The following DGKB variants were observed in gnomAD, a reference collection of about 807,000 sequenced individuals.
DGKB encodes 90 kDa diacylglycerol kinase.
DGKB carries 67 observed loss-of-function variants against 114.3 expected under a neutral mutation model. That is an observed-to-expected ratio of 0.59 (90% CI 0.48 to 0.72). DGKB has a LOEUF of 0.72. Among genes scored for constraint, DGKB ranks in the 30% least tolerant of loss-of-function variants. The probability of loss-of-function intolerance (pLI) is 0.00; values close to 1 mark genes in which losing one functional copy is unlikely to be tolerated. For missense variants in DGKB, 907 were observed against 975.2 expected, an observed-to-expected ratio of 0.93 and a Z score of 0.93; for synonymous variants, 398 against 323.1, an observed-to-expected ratio of 1.23 and a Z score of -2.49.
intron 20 of DGKB, among the ~76,000 whole-genome samples, chr7:14,560,306 T>A (rs562661705): frequency 1.4e-4 from 22 of 152,154 alleles, no homozygotes; most frequent in African/African-American, 5.3e-4. Context: ...ATCACTAGAG[T>A]TTATCCCTCT....
chr7:14,308,513 C>A (rs982190762), intron 23 of DGKB, among the ~76,000 whole-genome samples: 1 of 151,832 alleles, frequency 6.6e-6, no homozygotes, highest in African/African-American at 2.4e-5. Flanking sequence ...ATATCTTTGC[C>A]AAATTTTATA....
chr7:14,634,156 T>C (rs1810281820), intron 13 of DGKB, among the ~76,000 whole-genome samples: 1 of 150,978 alleles, frequency 6.6e-6, no homozygotes, highest in Non-Finnish European at 1.5e-5. Flanking sequence ...TTTTTATATA[T>C]ATATTTTACA....
At chr7:14,580,322 G>C (rs73680449) in intron 19 of DGKB, among the ~76,000 whole-genome samples, 1 of 152,098 alleles carries the variant, frequency 6.6e-6, no homozygotes, top group Non-Finnish European at 1.5e-5. Context: ...GTTAGTGTAA[G>C]GTCTCACATA....
At chr7:14,612,331 C>G (rs10236426) in intron 16 of DGKB, among the ~76,000 whole-genome samples, 47,758 of 151,518 alleles carry the variant, frequency 0.32, 7,939 homozygotes, top group East Asian at 0.69. Context: ...GACCATGCCT[C>G]GCTAATTTTT....
At chr7:14,491,217 T>A in intron 20 of DGKB, among the ~76,000 whole-genome samples, 1 of 152,064 alleles carries the variant, frequency 6.6e-6, no homozygotes, top group East Asian at 1.9e-4. Flanking sequence ...AATTTAATCA[T>A]GGGGGCTTTT....
intron 23 of DGKB, among the ~76,000 whole-genome samples, chr7:14,213,331 TGAA>T (rs1027178755): frequency 4.6e-5 from 7 of 152,126 alleles, no homozygotes; most frequent in African/African-American, 1.7e-4. Flanking sequence ...GCTCCTTATA[TGAA>T]TGATTCTCAA....
intron 2 of DGKB, among the ~76,000 whole-genome samples, chr7:14,782,945 G>A (rs1315233445): frequency 6.6e-6 from 1 of 151,998 alleles, no homozygotes; most frequent in African/African-American, 2.4e-5. Flanking sequence ...AAATCCCCCA[G>A]CCTCAGCCTC....
chr7:14,348,432 A>T (rs1169217437), intron 21 of DGKB, among the ~76,000 whole-genome samples: 1 of 152,044 alleles, frequency 6.6e-6, no homozygotes, highest in Admixed American at 6.6e-5. Context: ...AGCAACCCAA[A>T]CAATTTAATT....
In DGKB at chr7:14,183,049, T is replaced by A. The variant is rs1195843896; in HGVS notation, c.2123-4898A>T. ...TTTGAAATCAACATAAATTGCTAAT[T>A]ATAATGACACTTATTGAGCCATTAT... On this transcript the variant is annotated intron_variant, in intron 23 of 25. Coordinates refer to ENST00000402815, the MANE Select transcript of DGKB (RefSeq NM_001350709.2). Among the ~76,000 whole-genome samples, 6 of 152,282 alleles carry A rather than the reference T, an allele frequency of 3.9e-5. No individual in the cohort carries two copies. The Middle Eastern group carries it at 0.01, about 259-fold the overall frequency.
intron 20 of DGKB, among the ~76,000 whole-genome samples, chr7:14,569,861 T>C (rs891785631): frequency 2.6e-4 from 39 of 151,780 alleles, no homozygotes; most frequent in African/African-American, 9.2e-4. Context: ...TTTATTCTGA[T>C]CTTGTGTGTC....
intron 13 of DGKB, among the ~76,000 whole-genome samples, chr7:14,646,619 A>G (rs919485313): frequency 2.2e-4 from 33 of 152,266 alleles, no homozygotes; most frequent in African/African-American, 7.2e-4. Context: ...ACATTTTAAA[A>G]CATCAAAATT....
At chr7:14,954,967 G>A (rs1222049199) in intron 1 of DGKB, among the ~76,000 whole-genome samples, 1 of 151,998 alleles carries the variant, frequency 6.6e-6, no homozygotes, top group Non-Finnish European at 1.5e-5. Flanking sequence ...AACTGAGCCT[G>A]AACAAACTTC....
chr7:14,230,459 T>C (rs185667195), intron 23 of DGKB, among the ~76,000 whole-genome samples: 1 of 151,936 alleles, frequency 6.6e-6, no homozygotes, highest in African/African-American at 2.4e-5. Flanking sequence ...ATTTCATTAA[T>C]TAAAGAGTTA....
intron 13 of DGKB, among the ~76,000 whole-genome samples, chr7:14,656,926 C>G (rs568484160): frequency 4.0e-5 from 6 of 151,590 alleles, no homozygotes; most frequent in African/African-American, 1.2e-4. Context: ...TAATTATACA[C>G]GTTCTACATA....
intron 23 of DGKB, among the ~76,000 whole-genome samples, chr7:14,243,065 T>G (rs1793925215): frequency 2.0e-5 from 3 of 151,982 alleles, no homozygotes; most frequent in Admixed American, 2.0e-4. Context: ...ACATTAAATG[T>G]AAATAAATGG....
chr7:14,402,203 T>C (rs1165453816), intron 21 of DGKB, among the ~76,000 whole-genome samples: 3 of 151,874 alleles, frequency 2.0e-5, no homozygotes, highest in African/African-American at 2.4e-5. Flanking sequence ...AGAAGGAAGA[T>C]TGCATCATTC....
At chr7:14,653,264 C>A (rs111264492) in intron 13 of DGKB, among the ~76,000 whole-genome samples, 23,946 of 149,374 alleles carry the variant, frequency 0.16, 2,435 homozygotes, top group East Asian at 0.47. Flanking sequence ...CCAAATGTCC[C>A]ACAATGATAG....
intron 1 of DGKB, among the ~76,000 whole-genome samples, chr7:14,865,290 C>A (rs530580876): frequency 6.6e-6 from 1 of 152,240 alleles, no homozygotes; most frequent in East Asian, 1.9e-4. Context: ...ATTTCCTGGG[C>A]GCCCTTGCCA....
At chr7:14,657,918 T>C (rs1816190720) in intron 13 of DGKB, among the ~76,000 whole-genome samples, 1 of 151,926 alleles carries the variant, frequency 6.6e-6, no homozygotes, top group South Asian at 2.1e-4. Flanking sequence ...ACTGGAGCTG[T>C]GAGAAAGAGA....
Sources: allele counts gnomAD v4.1 joint callset (sites outside exome capture counted in the v4.1 genomes callset), GRCh38; gene constraint gnomAD v4.1.1; transcripts MANE v1.5; gene names NCBI Gene and HGNC (gene_info 2026-07-23, HGNC 2026-07-21).